The following DNM3 variants were observed in gnomAD, a reference collection of about 807,000 sequenced individuals.
DNM3 encodes the protein dynamin 3, also known as dynamin-3.
Under a neutral mutation model 101.6 loss-of-function variants are expected in DNM3, and 47 were observed. The observed-to-expected ratio is 0.46, with a 90% CI of 0.37 to 0.59. DNM3 has a LOEUF of 0.59. Among genes scored for constraint, DNM3 ranks in the 20% least tolerant of loss-of-function variants. DNM3 has a pLI of 0.00. For synonymous variants in DNM3, 385 were observed against 387.9 expected (o/e 0.99, Z 0.09); for missense variants, 849 against 1,085.7 (o/e 0.78, Z 3.06).
chr1:172,142,458 C>T (rs1029351393), intron 14 of DNM3, among the ~76,000 whole-genome samples: 9 of 151,910 alleles, frequency 5.9e-5, no homozygotes, highest in East Asian at 1.9e-4. Context: ...AACTTTGCCT[C>T]GAAAATAAGT....
chr1:171,944,854 CCTTTTTTTTTTTT>C lies in DNM3; in HGVS notation c.235+23034_235+23046del, dbSNP rs1288140175. ...TTTGTTTTCTTTTTTTTTGGTGTTT[CCTTTTTTTTTTTT>C]TTTTTTTTTTTTTTGAGGCAGGGTC... On this transcript the variant is annotated intron_variant, in intron 2 of 20. Transcript: ENST00000627582. Among the ~76,000 whole-genome samples the C allele has an allele frequency of 1.3e-4, 5 of 37,588 alleles. 1 individual carries two copies. The highest frequency in any genetic ancestry group is 3.5e-4 in the Admixed American group (1 of 2,838). 24.7% of individuals were successfully genotyped at this position (37,588 alleles called of 152,430 possible). A position where few individuals can be genotyped will look rare whatever the true frequency, so the allele number is the denominator to read the frequency against.
intron 15 of DNM3, among the ~76,000 whole-genome samples, chr1:172,307,389 G>C (rs1356055647): frequency 6.6e-6 from 1 of 152,228 alleles, no homozygotes; most frequent in Non-Finnish European, 1.5e-5. Context: ...TGCTGGAGAG[G>C]ATGTGGAGAA....
At chr1:171,944,556 G>A (rs1409841936) in intron 2 of DNM3, among the ~76,000 whole-genome samples, 2 of 151,664 alleles carry the variant, frequency 1.3e-5, no homozygotes, top group Non-Finnish European at 2.9e-5. Context: ...TGTATTTTTG[G>A]TAGAGACAGA....
chr1:172,304,819 G>A (rs543872940), intron 15 of DNM3, among the ~76,000 whole-genome samples: 1 of 152,256 alleles, frequency 6.6e-6, no homozygotes, highest in Non-Finnish European at 1.5e-5. Flanking sequence ...AAATAAAGAC[G>A]TTCTTTGAAA....
chr1:171,867,380 C>T (rs1345747608), intron 1 of DNM3, among the ~76,000 whole-genome samples: 3 of 152,180 alleles, frequency 2.0e-5, no homozygotes, highest in East Asian at 1.9e-4. Context: ...TATGGCTGTT[C>T]GTGCTTCAAA....
intron 15 of DNM3, among the ~76,000 whole-genome samples, chr1:172,270,279 T>C (rs1274900533): frequency 2.0e-5 from 3 of 151,814 alleles, no homozygotes; most frequent in Non-Finnish European, 4.4e-5. Context: ...AAAAAGCCTT[T>C]AAGCCAAACA....
intron 1 of DNM3, among the ~76,000 whole-genome samples, chr1:171,860,232 A>T (rs2034027482): frequency 6.6e-6 from 1 of 152,164 alleles, no homozygotes; most frequent in African/African-American, 2.4e-5. Flanking sequence ...CTTTAAATCT[A>T]CTTTTAAAAA....
rs977898031 is a variant in DNM3, at chr1:172,360,164, C to T, written c.1894-18854C>T. ...TGCCTAATTCAATATTACCATATCC[C>T]TCTGGGTAAATAACTCATTTAGCTA... On this transcript the variant is annotated intron_variant, in intron 17 of 20. Coordinates refer to ENST00000627582, the MANE Select transcript of DNM3 (RefSeq NM_015569.5). Among the ~76,000 whole-genome samples, 48 of 151,938 alleles carry T rather than the reference C, an allele frequency of 3.2e-4. 1 individual carries two copies. The highest frequency in any genetic ancestry group is 1.7e-3 in the Admixed American group (26 of 15,240).
intron 13 of DNM3, among the ~76,000 whole-genome samples, chr1:172,123,614 C>T (rs184251256): frequency 2.7e-4 from 41 of 152,270 alleles, no homozygotes; most frequent in Admixed American, 5.2e-4. Context: ...TGTGGGCAGG[C>T]GAGTTCCCTT....
intron 14 of DNM3, among the ~76,000 whole-genome samples, chr1:172,177,563 T>G (rs1342251841): frequency 2.0e-5 from 3 of 151,862 alleles, no homozygotes; most frequent in Admixed American, 1.3e-4. Flanking sequence ...GAAAGAAGTT[T>G]AGGATAAAGG....
chr1:171,925,051 C>A (rs189867973), intron 2 of DNM3, among the ~76,000 whole-genome samples: 1 of 151,740 alleles, frequency 6.6e-6, no homozygotes, highest in Non-Finnish European at 1.5e-5. Context: ...AGGTGCCCAC[C>A]ACCACGCCCG....
chr1:172,289,752 G>T, intron 15 of DNM3: 13 of 985,020 alleles, frequency 1.3e-5, no homozygotes, highest in Non-Finnish European at 1.4e-5. Flanking sequence ...CTGTGTGTAA[G>T]GTTGTTTAGT....
At chr1:172,380,885 G>A (rs574839642) in intron 18 of DNM3, 8 of 148,566 alleles carry the variant, frequency 5.4e-5, no homozygotes, top group South Asian at 2.1e-4. Context: ...CAGTTCAAAC[G>A]CTGCTTTGCT....
chr1:172,054,290 C>A (rs74123791), intron 10 of DNM3, among the ~76,000 whole-genome samples: 1 of 152,218 alleles, frequency 6.6e-6, no homozygotes, highest in Non-Finnish European at 1.5e-5. Flanking sequence ...TGCATTTCTT[C>A]CCAGATACTT....
intron 17 of DNM3, chr1:172,370,178 C>T (rs2068250684): frequency 6.6e-6 from 1 of 151,836 alleles, no homozygotes; most frequent in Non-Finnish European, 1.5e-5. Flanking sequence ...TTAAAAAAGG[C>T]AGTATTAAGG....
At chr1:172,262,313 C>G (rs1334600822) in intron 15 of DNM3, among the ~76,000 whole-genome samples, 1 of 152,198 alleles carries the variant, frequency 6.6e-6, no homozygotes, top group Admixed American at 6.5e-5. Context: ...GGATCACTGT[C>G]TGTGGCTCCT....
chr1:172,249,413 C>T (rs1023558344), intron 14 of DNM3, among the ~76,000 whole-genome samples: 7 of 152,130 alleles, frequency 4.6e-5, no homozygotes, highest in African/African-American at 1.4e-4. Context: ...TGGACCTGAT[C>T]TGTTTCTTCC....
At chr1:172,105,304 C>T (rs755802606) in intron 13 of DNM3, among the ~76,000 whole-genome samples, 2 of 152,186 alleles carry the variant, frequency 1.3e-5, no homozygotes, top group Non-Finnish European at 2.9e-5. Flanking sequence ...CCCTGTGAAA[C>T]AGGGTCCAGT....
At chr1:171,956,076 G>C (rs1348614451) in intron 2 of DNM3, among the ~76,000 whole-genome samples, 1 of 152,038 alleles carries the variant, frequency 6.6e-6, no homozygotes, top group Non-Finnish European at 1.5e-5. Context: ...ATTTGGGTGG[G>C]GACATAGCCA....
Sources: allele counts gnomAD v4.1 joint callset (sites outside exome capture counted in the v4.1 genomes callset), GRCh38; gene constraint gnomAD v4.1.1; transcripts MANE v1.5; gene names NCBI Gene and HGNC (gene_info 2026-07-23, HGNC 2026-07-21).